PLG: variants seen among roughly 807,000 people sequenced by gnomAD.
PLG encodes plasminogen.
PLG carries 41 observed loss-of-function variants against 104.4 expected under a neutral mutation model. The ratio of observed to expected loss-of-function variants is 0.39; its 90% confidence interval spans 0.31 to 0.51. The LOEUF (loss-of-function observed/expected upper bound fraction) is 0.51. Ranked by LOEUF, PLG falls within the 20% of genes least tolerant of loss-of-function variation. PLG has a pLI of 0.76. For synonymous variants in PLG, 337 were observed against 357.1 expected (o/e 0.94, Z 0.63); for missense variants, 891 against 1,003.6 (o/e 0.89, Z 1.52).
chr6:160,729,140 C>T (rs1375821556), intron 10 of PLG, among the ~76,000 whole-genome samples: 1 of 143,286 alleles, frequency 7.0e-6, no homozygotes, highest in African/African-American at 2.5e-5. Context: ...GGACAATAAG[C>T]ACCTGAAAAA....
rs572284335 is a variant in PLG at position 160,730,965 on chromosome 6, C to G, written c.1257-86C>G. 7.1e-4 allele frequency: 972 copies of G among 1,364,666 alleles called. 1 individual carries two copies. Among genetic ancestry groups the G allele is most frequent in the Non-Finnish European group, 9.4e-4 (901 of 957,678 alleles). 84.5% of individuals were successfully genotyped at this position (1,364,666 alleles called of 1,614,324 possible). On this transcript the variant is annotated intron_variant, in intron 10 of 18. Coordinates refer to ENST00000308192, the MANE Select transcript of PLG (RefSeq NM_000301.5). ...AATATTTCAAAGCCACTTGTTAACA[C>G]TTTGTTAGAACAAAATGTAGAGGGT...
In PLG at chr6:160,752,777, C is replaced by T. The variant is rs1170360805; in HGVS notation, c.2272-123C>T. 13 of 1,216,852 alleles carry T rather than the reference C, an allele frequency of 1.1e-5. No homozygotes were observed. Among genetic ancestry groups the T allele is most frequent in the Non-Finnish European group, 1.6e-5 (13 of 826,900 alleles). The allele number at this position is 1,216,852 out of a possible 1,614,324, so 75.4% of individuals were successfully genotyped here. A position where few individuals can be genotyped will look rare whatever the true frequency, so the allele number is the denominator to read the frequency against. On this transcript the variant is annotated intron_variant, in intron 18 of 18. Coordinates refer to ENST00000308192, the MANE Select transcript of PLG (RefSeq NM_000301.5). This position sits in a 1 kb window ranked among gnomAD's most constrained non-coding sequence, Gnocchi z 4.7. ...ACTGCAGATGCTTGAGTAATATGCT[C>T]ATAAGTTCCTTTCTGATTTCAATTA...
chr6:160,738,678 C>T lies in PLG; in HGVS notation c.1877+66C>T, dbSNP rs1778132742. The T allele has an allele frequency of 3.4e-5, 35 of 1,034,414 alleles. No individual in the cohort carries two copies. The South Asian group carries it at 4.3e-4, about 13-fold the overall frequency. 64.1% of individuals were successfully genotyped at this position (1,034,414 alleles called of 1,614,324 possible). A position where few individuals can be genotyped will look rare whatever the true frequency, so the allele number is the denominator to read the frequency against. On this transcript the variant is annotated intron_variant, in intron 15 of 18. Transcript: ENST00000308192. The surrounding 1 kb of genome is among the most constrained non-coding windows in gnomAD (Gnocchi z 6.8). ...TACTTTTTCTGTCCTTCTTTTCCTC[C>T]TTTCCTCCTTTCCTTTCTCACTCTT...
At position 160,731,179 on chromosome 6, in the gene PLG, T is replaced by A. The variant is rs142565890; in HGVS notation, c.1385T>A (p.Val462Glu). The part of the protein sequence containing the change: ...KKCSGTEASV[V>E]APPPVVLLPD... ...TGCTCAGGAACAGAAGCGAGTGTTGTAGCACCTCCGCCTGTTGTCCTGCTT... is the reference window on the plus strand; with the variant it reads ...TGCTCAGGAACAGAAGCGAGTGTTGAAGCACCTCCGCCTGTTGTCCTGCTT... Residue 462 changes from valine to glutamate, a missense_variant, in exon 11 of 19, where the codon GTA becomes GAA. Physicochemically the swap from Val to Glu is moderately radical, Grantham distance 121 (BLOSUM62 -2). Coordinates refer to ENST00000308192, the MANE Select transcript of PLG (RefSeq NM_000301.5). The surrounding 1 kb of genome is among the most constrained non-coding windows in gnomAD (Gnocchi z 5.1). The A allele has an allele frequency of 5.0e-6, 8 of 1,614,014 alleles. No homozygotes were observed. The highest frequency in any genetic ancestry group is 1.7e-5 in the Admixed American group (1 of 59,996).
At chr6:160,709,876 T>A (rs1384589665) in intron 3 of PLG, among the ~76,000 whole-genome samples, 1 of 152,236 alleles carries the variant, frequency 6.6e-6, no homozygotes, top group Non-Finnish European at 1.5e-5. Flanking sequence ...ATGGCTAAAG[T>A]GGGTAACCTT....
Position 160,731,871 on chromosome 6 carries a change from C to A in PLG, c.1565C>A (p.Pro522Gln). 6.2e-7 allele frequency: 1 copy of A among 1,614,108 alleles called. No individual in the cohort carries two copies. Among genetic ancestry groups the A allele is most frequent in the Non-Finnish European group, 8.5e-7 (1 of 1,180,006 alleles). The change falls in exon 12 of 19, where the codon CCA (proline) becomes CAA (glutamine). Residue 522 changes from proline (P) to glutamine (Q), a missense_variant. Coordinates refer to ENST00000308192, the MANE Select transcript of PLG (RefSeq NM_000301.5). The surrounding 1 kb of genome is among the most constrained non-coding windows in gnomAD (Gnocchi z 5.1). ...RHSIFTPETN[P>Q]RAGLEKNYCR... is the part of the protein sequence containing the mutation. ...AGCATTTTCACTCCAGAGACAAATC[C>A]ACGGGCGGGTCTGGAAAAAAATGTA... is the stretch of plus-strand genomic sequence containing the variant.
At chr6:160,733,846 GAAAAAAAAAAA>G in intron 12 of PLG, 138 bp from the exon 13 acceptor site, 10 of 347,056 alleles carry the variant, frequency 2.9e-5, no homozygotes, top group South Asian at 1.3e-4. Flanking sequence ...CTCCACCTCA[GAAAAAAAAAAA>G]AAAAAAAAAA....
chr6:160,712,788 G>T (rs1164980204), intron 4 of PLG, among the ~76,000 whole-genome samples, 198 bp from the exon 5 acceptor site: 2 of 152,136 alleles, frequency 1.3e-5, no homozygotes, highest in East Asian at 3.9e-4. Context: ...CAGTAGCAAT[G>T]GTAATATTAG....
At chr6:160,720,800 G>A (rs777709910) in intron 9 of PLG, among the ~76,000 whole-genome samples, 2 of 151,932 alleles carry the variant, frequency 1.3e-5, no homozygotes, top group African/African-American at 2.4e-5. Flanking sequence ...TTCTCTCTCT[G>A]TATTTTCCTT....
At position 160,737,397 on chromosome 6, in the gene PLG, C is replaced by G. The variant is rs1002492535; in HGVS notation, c.1802+390C>G. Among the ~76,000 whole-genome samples the G allele has an allele frequency of 6.6e-6, 1 of 152,134 alleles. No homozygotes were observed. The highest frequency in any genetic ancestry group is 1.5e-5 in the Non-Finnish European group (1 of 68,032). On this transcript the variant is annotated intron_variant, in intron 14 of 18. Coordinates refer to ENST00000308192, the MANE Select transcript of PLG (RefSeq NM_000301.5). This position sits in a 1 kb window ranked among gnomAD's most constrained non-coding sequence, Gnocchi z 4.7. ...TGTGACACTTTCTGGGTTGGGAGAG[C>G]AAGGACAAAATTATCTCCAGTCTAT...
At chr6:160,703,618 A>C (rs1042406216) in intron 1 of PLG, among the ~76,000 whole-genome samples, 1 of 152,266 alleles carries the variant, frequency 6.6e-6, no homozygotes. Flanking sequence ...TTAGAGTCAA[A>C]TACATTTGAA....
Position 160,738,627 on chromosome 6 carries a change from C to T in PLG, c.1877+15C>T. The T allele has an allele frequency of 6.6e-7, 1 of 1,526,586 alleles. No individual in the cohort carries two copies. The allele number at this position is 1,526,586 out of a possible 1,614,324, so 94.6% of individuals were successfully genotyped here. On this transcript the variant is annotated intron_variant, in intron 15 of 18. Transcript: ENST00000308192. The surrounding 1 kb of genome is among the most constrained non-coding windows in gnomAD (Gnocchi z 6.8). ...TGCTTGGAGAAGTATGTTTAGGGGA[C>T]AATTGACATGAAGTCTTGTCTTAAA... is the stretch of plus-strand genomic sequence containing the variant.
At chr6:160,748,393 AAAGAAAGG>A (rs777927380) in intron 17 of PLG, among the ~76,000 whole-genome samples, 7,920 of 57,074 alleles carry the variant, frequency 0.14, 784 homozygotes, top group Non-Finnish European at 0.17. Context: ...AGAAAGAAAG[AAAGAAAGG>A]AAGAAAGAAA....
chr6:160,733,889 C>T (rs1454088470), intron 12 of PLG, 106 bp from the exon 13 acceptor site: 3 of 558,846 alleles, frequency 5.4e-6, no homozygotes, highest in Non-Finnish European at 1.0e-5. Flanking sequence ...AAAAGAAACA[C>T]TCCTTTATGT....
intron 6 of PLG, among the ~76,000 whole-genome samples, chr6:160,715,364 C>A (rs955676063): frequency 6.6e-6 from 1 of 152,124 alleles, no homozygotes; most frequent in African/African-American, 2.4e-5. Flanking sequence ...GTCTCCTAAC[C>A]TTTGACCTAT....
rs992962969 is a variant in PLG, at chr6:160,741,952, G to A, written c.2125+535G>A. On this transcript the variant is annotated intron_variant, in intron 17 of 18. Coordinates refer to ENST00000308192, the MANE Select transcript of PLG (RefSeq NM_000301.5). This position sits in a 1 kb window ranked among gnomAD's most constrained non-coding sequence, Gnocchi z 4.7. ...CCTGTGTTAGTTTTCTAAGAATAAC[G>A]GCCTCCAGCTCCATTCATGTTCCTG... Among the ~76,000 whole-genome samples the A allele has an allele frequency of 1.6e-4, 24 of 152,108 alleles. No individual in the cohort carries two copies. Among genetic ancestry groups the A allele is most frequent in the Admixed American group, 7.2e-4 (11 of 15,262 alleles).
chr6:160,702,474 A>G, intron 1 of PLG, 121 bp downstream of exon 1: 1 of 1,286,680 alleles, frequency 7.8e-7, no homozygotes, highest in African/African-American at 1.5e-5. Context: ...CTTCCAGTTG[A>G]AAATCTTGTA....
At position 160,712,661 on chromosome 6, in the gene PLG, G is replaced by A. The variant is rs192258358; in HGVS notation, c.408-325G>A. Among the ~76,000 whole-genome samples the A allele has an allele frequency of 2.0e-4, 31 of 152,332 alleles. 1 individual carries two copies. In the East Asian group the frequency reaches 4.2e-3, roughly 21 times the overall value. On this transcript the variant is annotated intron_variant, in intron 4 of 18. Transcript: ENST00000308192. ...TACAAAAATTTTTACAGAGAAAACG[G>A]TAACTGACAAAAGCAGGTGTTTGGA...
rs753357012 is a variant in PLG at position 160,724,432 on chromosome 6, G to A, written c.1256+1865G>A. On this transcript the variant is annotated intron_variant, in intron 10 of 18. Coordinates refer to ENST00000308192, the MANE Select transcript of PLG (RefSeq NM_000301.5). This position sits in a 1 kb window ranked among gnomAD's most constrained non-coding sequence, Gnocchi z 5.0. ...ACAAACTGCAGCACACACATACAAA[G>A]ACTGAAAAGATAAAGAAACAGAGCC... Among the ~76,000 whole-genome samples the A allele has an allele frequency of 6.6e-6, 1 of 151,794 alleles. No individual in the cohort carries two copies. The highest frequency in any genetic ancestry group is 2.4e-5 in the African/African-American group (1 of 41,320).
Sources: gnomAD v4.1 joint callset for allele counts (sites outside exome capture counted in the v4.1 genomes callset) on GRCh38, gnomAD v4.1.1 for gene constraint, Gnocchi (gnomAD v3.1) non-coding constraint, MANE v1.5 for transcripts, NCBI Gene and HGNC (gene_info 2026-07-23, HGNC 2026-07-21) for gene names.